The following TRAPPC10 variants were observed in gnomAD, a reference collection of about 807,000 sequenced individuals.
The protein encoded by TRAPPC10 is trafficking protein particle complex subunit 10.
Under a neutral mutation model 125.5 loss-of-function variants are expected in TRAPPC10, and 23 were observed. That is an observed-to-expected ratio of 0.18 (90% CI 0.13 to 0.26). The LOEUF (loss-of-function observed/expected upper bound fraction) is 0.26. Among genes scored for constraint, TRAPPC10 ranks in the 10% least tolerant of loss-of-function variants. The pLI, the probability that TRAPPC10 is intolerant of heterozygous loss-of-function variation, is 1.00. For missense variants in TRAPPC10, 1,123 were observed against 1,308.4 expected, an observed-to-expected ratio of 0.86 and a Z score of 2.19; for synonymous variants, 509 against 518.0, an observed-to-expected ratio of 0.98 and a Z score of 0.24.
intron 20 of TRAPPC10, among the ~76,000 whole-genome samples, chr21:44,094,497 CT>C (rs1463205705): frequency 6.6e-6 from 1 of 152,164 alleles, no homozygotes; most frequent in Non-Finnish European, 1.5e-5. Flanking sequence ...CCAAAGATTC[CT>C]TTTTTCTTCT....
chr21:44,075,031 C>A lies in TRAPPC10; in HGVS notation c.1186-8C>A. 6.3e-7 allele frequency: 1 copy of A among 1,579,900 alleles called. No individual in the cohort carries two copies. Among genetic ancestry groups the A allele is most frequent in the Non-Finnish European group, 8.7e-7 (1 of 1,151,368 alleles). On this transcript the variant is annotated splice_region_variant and splice_polypyrimidine_tract_variant and intron_variant, in intron 8 of 22. Coordinates refer to ENST00000291574, the MANE Select transcript of TRAPPC10 (RefSeq NM_003274.5). ...AAATTAATTGAAATTGTGGATTTAT[C>A]TTAACAGTTAAAGTCCTTGGGCTAT...
chr21:44,059,377 GA>G lies in TRAPPC10; in HGVS notation c.790+166del. The G allele has an allele frequency of 1.4e-6, 1 of 696,096 alleles. No individual in the cohort carries two copies. The highest frequency in any genetic ancestry group is 2.6e-6 in the Non-Finnish European group (1 of 380,658). The allele number at this position is 696,096 out of a possible 1,614,324, so 43.1% of individuals were successfully genotyped here. A position where few individuals can be genotyped will look rare whatever the true frequency, so the allele number is the denominator to read the frequency against. ...TATTCTCGTGATTCCTAGAGGAAATGAAATGAGAATTAAGAATTAGTCATTT... is the reference window on the plus strand; with the variant it reads ...TATTCTCGTGATTCCTAGAGGAAATGAATGAGAATTAAGAATTAGTCATTT... On this transcript the variant is annotated intron_variant, in intron 6 of 22. Coordinates refer to ENST00000291574, the MANE Select transcript of TRAPPC10 (RefSeq NM_003274.5). The surrounding 1 kb of genome is among the most constrained non-coding windows in gnomAD (Gnocchi z 4.4).
chr21:44,063,524 G>A lies in TRAPPC10; in HGVS notation c.791-14G>A, dbSNP rs377565386. On this transcript the variant is annotated splice_polypyrimidine_tract_variant and intron_variant, in intron 6 of 22. Transcript: ENST00000291574. The surrounding 1 kb of genome is among the most constrained non-coding windows in gnomAD (Gnocchi z 4.4). ...ACCTGCAATCAGCACCTTTCATGATGTGTGTTTGTTTAGATGGTGCCAACT... is the reference window on the plus strand; with the variant it reads ...ACCTGCAATCAGCACCTTTCATGATATGTGTTTGTTTAGATGGTGCCAACT... 9 of 1,613,312 alleles carry A rather than the reference G, an allele frequency of 5.6e-6. No individual in the cohort carries two copies. The highest frequency in any genetic ancestry group is 6.8e-6 in the Non-Finnish European group (8 of 1,179,498).
chr21:44,072,262 TG>T (rs199756623), intron 7 of TRAPPC10, among the ~76,000 whole-genome samples: 2,713 of 152,352 alleles, frequency 0.018, 93 homozygotes, highest in East Asian at 0.097. Flanking sequence ...CGGCTGCTGC[TG>T]TTCCCTGCGG....
At chr21:44,074,635 TC>T (rs1483246827) in intron 8 of TRAPPC10, among the ~76,000 whole-genome samples, 165 bp downstream of exon 8, 1 of 152,168 alleles carries the variant, frequency 6.6e-6, no homozygotes, top group East Asian at 1.9e-4. Context: ...AAGTCATAGT[TC>T]CCTACCACAT....
rs951424837 is a variant in TRAPPC10 at position 44,075,297 on chromosome 21, A to G, written c.1300+144A>G. On this transcript the variant is annotated intron_variant, in intron 9 of 22. Coordinates refer to ENST00000291574, the MANE Select transcript of TRAPPC10 (RefSeq NM_003274.5). ...ATTATACCCATTGTTAGCTGACTGG[A>G]TTAAAGCACATGATAGTTTACCTTT... 21 of 613,912 alleles carry G rather than the reference A, an allele frequency of 3.4e-5. No homozygotes were observed. The East Asian group carries it at 5.5e-4, about 16-fold the overall frequency. The allele number at this position is 613,912 out of a possible 1,614,324, so 38.0% of individuals were successfully genotyped here.
At chr21:44,024,325 TC>T (rs1002918645) in intron 1 of TRAPPC10, among the ~76,000 whole-genome samples, 18 of 152,222 alleles carry the variant, frequency 1.2e-4, no homozygotes, top group African/African-American at 4.3e-4. Flanking sequence ...CTGGGTCCAT[TC>T]CCCATTTCTG....
At chr21:44,031,549 C>T (rs575598610) in intron 1 of TRAPPC10, among the ~76,000 whole-genome samples, 2 of 152,254 alleles carry the variant, frequency 1.3e-5, no homozygotes, top group South Asian at 2.1e-4. Context: ...GAATTGGGGT[C>T]GTGTTTGTGC....
intron 2 of TRAPPC10, among the ~76,000 whole-genome samples, chr21:44,036,846 A>G (rs1396272876): frequency 1.3e-5 from 2 of 152,218 alleles, no homozygotes; most frequent in African/African-American, 2.4e-5. Context: ...TAGTCTTTGT[A>G]ATAAAACCTT....
intron 1 of TRAPPC10, among the ~76,000 whole-genome samples, chr21:44,024,703 T>G (rs1233826064): frequency 6.6e-6 from 1 of 152,224 alleles, no homozygotes; most frequent in African/African-American, 2.4e-5. Context: ...TTTTCCTGAT[T>G]ATTTTTAGGG....
At position 44,087,333 on chromosome 21, in the gene TRAPPC10, C is replaced by T. The variant is rs374368790; in HGVS notation, c.2540-366C>T. On this transcript the variant is annotated intron_variant, in intron 16 of 22. Transcript: ENST00000291574. This position sits in a 1 kb window ranked among gnomAD's most constrained non-coding sequence, Gnocchi z 4.6. Reference sequence around the variant, plus strand: ...TGCTGTTGAGAGCCCTGAGCACTCCCATCCTCCCAGCCACGAGGAAGGGGA... The same window carrying T: ...TGCTGTTGAGAGCCCTGAGCACTCCTATCCTCCCAGCCACGAGGAAGGGGA... Among the ~76,000 whole-genome samples the T allele has an allele frequency of 1.2e-4, 19 of 152,288 alleles. No homozygotes were observed. Among genetic ancestry groups the T allele is most frequent in the African/African-American group, 4.6e-4 (19 of 41,552 alleles).
chr21:44,074,893 A>G (rs2037160746), intron 8 of TRAPPC10, 146 bp from the exon 9 acceptor site: 2 of 653,976 alleles, frequency 3.1e-6, no homozygotes, highest in East Asian at 5.4e-5. Flanking sequence ...TGTAGGATGT[A>G]TTTTTGTATC....
chr21:44,025,820 GGGT>G (rs2032991528), intron 1 of TRAPPC10, among the ~76,000 whole-genome samples: 1 of 138,146 alleles, frequency 7.2e-6, no homozygotes, highest in African/African-American at 2.8e-5. Context: ...CAGAGGGCAG[GGGT>G]GTGTGTGTGT....
intron 2 of TRAPPC10, among the ~76,000 whole-genome samples, chr21:44,035,380 A>G (rs904940335): frequency 1.3e-5 from 2 of 152,142 alleles, no homozygotes; most frequent in African/African-American, 4.8e-5. Flanking sequence ...CCAGCCTGTG[A>G]TATTCTGTTA....
At chr21:44,068,972 T>C (rs1485504519) in intron 7 of TRAPPC10, among the ~76,000 whole-genome samples, 1 of 152,190 alleles carries the variant, frequency 6.6e-6, no homozygotes, top group Non-Finnish European at 1.5e-5. Context: ...TGGATATCCA[T>C]ATATAAAAAC....
intron 3 of TRAPPC10, among the ~76,000 whole-genome samples, chr21:44,041,679 C>A (rs2034434183): frequency 6.6e-6 from 1 of 151,924 alleles, no homozygotes; most frequent in South Asian, 2.1e-4. Flanking sequence ...GCTTTTTTGA[C>A]TTTTAAAATG....
Position 44,079,598 on chromosome 21 carries a change from C to T in TRAPPC10, c.1504C>T (p.Leu502Phe), listed in dbSNP as rs145051918. ...KKAPQKAEIYLQGALKNYLAE... is the reference protein window; with the variant it reads ...KKAPQKAEIYFQGALKNYLAE... ...GGCTCCACAAAAGGCAGAAATCTAT[C>T]TTCAAGGAGCACTGAAAAACTACCT... Residue 502 changes from leucine to phenylalanine, a missense_variant, in exon 12 of 23, where the codon CTT (leucine) becomes TTT (phenylalanine). By Grantham distance (22) the Leu-to-Phe change is conservative (BLOSUM62 0). Transcript: ENST00000291574. 4.8e-4 allele frequency: 776 copies of T among 1,605,728 alleles called. 1 individual carries two copies. The highest frequency in any genetic ancestry group is 5.7e-4 in the Non-Finnish European group (667 of 1,178,176).
intron 2 of TRAPPC10, among the ~76,000 whole-genome samples, chr21:44,033,917 C>T (rs2033784424): frequency 1.3e-5 from 2 of 150,732 alleles, no homozygotes; most frequent in African/African-American, 4.9e-5. Context: ...ATCTCTTCCC[C>T]TTTCCGAAAC....
At chr21:44,079,447 G>A (rs2037521579) in intron 11 of TRAPPC10, 117 bp from the exon 12 acceptor site, 2 of 1,199,562 alleles carry the variant, frequency 1.7e-6, no homozygotes, top group Non-Finnish European at 2.3e-6. Flanking sequence ...ATCTAGAGAT[G>A]TTGAGTCTGT....
Sources: gnomAD v4.1 joint callset for allele counts (sites outside exome capture counted in the v4.1 genomes callset) on GRCh38, gnomAD v4.1.1 for gene constraint, Gnocchi (gnomAD v3.1) non-coding constraint, MANE v1.5 for transcripts, NCBI Gene and HGNC (gene_info 2026-07-23, HGNC 2026-07-21) for gene names.